Variants in OXR1 observed in about 807,000 individuals in gnomAD.
OXR1 encodes oxidation resistance 1, also known as oxidation resistance protein 1.
A neutral mutation model predicts 104.6 loss-of-function variants in OXR1; 41 were observed. The observed-to-expected ratio is 0.39, with a 90% CI of 0.31 to 0.51. The LOEUF is 0.51. Among genes scored for constraint, OXR1 ranks in the 20% least tolerant of loss-of-function variants. The pLI is 0.77. For missense variants in OXR1, 955 were observed against 1,031.9 expected (o/e 0.93, Z 1.02); for synonymous variants, 348 against 348.4 (o/e 1.00, Z 0.01).
intron 1 of OXR1, among the ~76,000 whole-genome samples, chr8:106,287,382 G>T (rs1216051896): frequency 6.6e-6 from 1 of 152,100 alleles, no homozygotes; most frequent in East Asian, 1.9e-4. Context: ...ACTAAAAATA[G>T]AACAAGGTTA....
At chr8:106,511,510 A>T (rs1398146031) in intron 2 of OXR1, among the ~76,000 whole-genome samples, 4 of 151,330 alleles carry the variant, frequency 2.6e-5, no homozygotes, top group Non-Finnish European at 4.4e-5. Context: ...AGTCATTCAC[A>T]TGCATTCATA....
intron 1 of OXR1, among the ~76,000 whole-genome samples, chr8:106,342,915 A>G (rs561270602): frequency 6.6e-6 from 1 of 152,256 alleles, no homozygotes; most frequent in African/African-American, 2.4e-5. Context: ...CTCTAAATCT[A>G]TCAGCTTCTT....
At chr8:106,388,573 C>T (rs577577650) in intron 2 of OXR1, among the ~76,000 whole-genome samples, 1 of 152,266 alleles carries the variant, frequency 6.6e-6, no homozygotes, top group Admixed American at 6.5e-5. Context: ...CAGGTGCCCA[C>T]CACCACACCT....
chr8:106,717,590 A>C (rs1832392486), intron 11 of OXR1, among the ~76,000 whole-genome samples: 1 of 152,148 alleles, frequency 6.6e-6, no homozygotes, highest in African/African-American at 2.4e-5. Context: ...AAATTTGGTA[A>C]ACTTATTGTT....
chr8:106,691,494 A>G (rs1210553813), intron 6 of OXR1, among the ~76,000 whole-genome samples: 1 of 151,772 alleles, frequency 6.6e-6, no homozygotes, highest in African/African-American at 2.4e-5. Flanking sequence ...AAAGAATTAC[A>G]TTGACAAATT....
chr8:106,736,677 G>A (rs1834406161), intron 11 of OXR1, among the ~76,000 whole-genome samples: 1 of 152,170 alleles, frequency 6.6e-6, no homozygotes, highest in South Asian at 2.1e-4. Context: ...TGGGCTTTCT[G>A]TAATAGTGTT....
At chr8:106,737,385 C>T (rs1232393772) in intron 11 of OXR1, 135 bp from the exon 12 acceptor site, 4 of 403,832 alleles carry the variant, frequency 9.9e-6, no homozygotes, top group Non-Finnish European at 1.7e-5. Context: ...GGATTTTCAA[C>T]ATAGAGTGGG....
chr8:106,359,678 T>C (rs1419155374), intron 2 of OXR1, 42 bp downstream of exon 2: 16 of 1,420,436 alleles, frequency 1.1e-5, no homozygotes, highest in Middle Eastern at 1.7e-4. Flanking sequence ...AATGAAAATA[T>C]ATCATGAGCA....
At chr8:106,488,502 G>T (rs541251699) in intron 2 of OXR1, among the ~76,000 whole-genome samples, 4 of 152,076 alleles carry the variant, frequency 2.6e-5, no homozygotes, top group Admixed American at 6.6e-5. Context: ...CTTGCCCATG[G>T]CTATGTCCTG....
chr8:106,293,580 GA>G (rs1812846756), intron 1 of OXR1, among the ~76,000 whole-genome samples: 2 of 152,172 alleles, frequency 1.3e-5, no homozygotes, highest in Non-Finnish European at 2.9e-5. Flanking sequence ...TGCTATAACA[GA>G]ATATCTGAGA....
intron 7 of OXR1, among the ~76,000 whole-genome samples, chr8:106,693,511 C>T (rs1402326652): frequency 7.0e-6 from 1 of 142,948 alleles, no homozygotes; most frequent in Non-Finnish European, 1.5e-5. Context: ...CTCACTGCAA[C>T]CTCTGCCTCC....
chr8:106,379,292 G>A (rs1586584623), intron 2 of OXR1, among the ~76,000 whole-genome samples: 1 of 152,242 alleles, frequency 6.6e-6, no homozygotes, highest in Middle Eastern at 3.4e-3. Flanking sequence ...GATTTATGGT[G>A]TGAGTGCCAA....
intron 3 of OXR1, among the ~76,000 whole-genome samples, chr8:106,622,825 TA>T (rs1198227554): frequency 1.3e-5 from 2 of 152,202 alleles, no homozygotes; most frequent in Admixed American, 1.3e-4. Flanking sequence ...ACAAACATTA[TA>T]AAAAATGAAT....
chr8:106,685,399 G>C (rs1199590085), intron 6 of OXR1, among the ~76,000 whole-genome samples: 1 of 151,998 alleles, frequency 6.6e-6, no homozygotes. Flanking sequence ...AAACCTGTGG[G>C]GTCTCTTCCT....
intron 2 of OXR1, among the ~76,000 whole-genome samples, chr8:106,402,212 C>G (rs1818030095): frequency 6.6e-6 from 1 of 152,188 alleles, no homozygotes; most frequent in African/African-American, 2.4e-5. Context: ...ACAGATCACA[C>G]AGATGAATTG....
intron 2 of OXR1, among the ~76,000 whole-genome samples, chr8:106,390,894 T>C (rs574077453): frequency 7.2e-5 from 11 of 152,320 alleles, no homozygotes; most frequent in Admixed American, 1.3e-4. Flanking sequence ...AATTTGCTCT[T>C]TGGAAGCCCC....
At chr8:106,604,187 T>C (rs897406178) in intron 3 of OXR1, among the ~76,000 whole-genome samples, 2 of 152,236 alleles carry the variant, frequency 1.3e-5, no homozygotes, top group African/African-American at 4.8e-5. Flanking sequence ...ACAAACCAAG[T>C]ATACTTTTGA....
chr8:106,604,223 T>A (rs1326169855), intron 3 of OXR1, among the ~76,000 whole-genome samples: 1 of 152,204 alleles, frequency 6.6e-6, no homozygotes, highest in African/African-American at 2.4e-5. Context: ...TTTAAATATA[T>A]TTTCAAACAC....
intron 3 of OXR1, among the ~76,000 whole-genome samples, chr8:106,614,474 G>C (rs982548130): frequency 1.3e-5 from 2 of 152,180 alleles, no homozygotes; most frequent in African/African-American, 2.4e-5. Context: ...GTAGAAGCAA[G>C]AGCATTTTTG....
Sources: gnomAD v4.1 joint callset for allele counts (sites outside exome capture counted in the v4.1 genomes callset) on GRCh38, gnomAD v4.1.1 for gene constraint, MANE v1.5 for transcripts, NCBI Gene and HGNC (gene_info 2026-07-23, HGNC 2026-07-21) for gene names.